The following ARFGEF3 variants were observed in gnomAD, a reference collection of about 807,000 sequenced individuals.
ARFGEF3 encodes the protein ARFGEF family member 3.
Under a neutral mutation model 221.7 loss-of-function variants are expected in ARFGEF3, and 96 were observed. The observed-to-expected ratio is 0.43, with a 90% CI of 0.37 to 0.51. The LOEUF is 0.51. Ranked by LOEUF, ARFGEF3 falls within the 20% of genes least tolerant of loss-of-function variation. The probability of loss-of-function intolerance (pLI) is 0.00; values close to 1 mark genes in which losing one functional copy is unlikely to be tolerated. For synonymous variants in ARFGEF3, 1,145 were observed against 1,126.8 expected (o/e 1.02, Z -0.32); for missense variants, 2,410 against 2,789.9 (o/e 0.86, Z 3.07).
chr6:138,249,655 T>C (rs1465996768), intron 8 of ARFGEF3, among the ~76,000 whole-genome samples: 1 of 152,210 alleles, frequency 6.6e-6, no homozygotes, highest in Non-Finnish European at 1.5e-5. Context: ...AAAGAATTCA[T>C]GTGCATATGT....
At chr6:138,325,888 T>C (rs532983089) in intron 31 of ARFGEF3, among the ~76,000 whole-genome samples, 1 of 152,340 alleles carries the variant, frequency 6.6e-6, no homozygotes, top group East Asian at 1.9e-4. Flanking sequence ...TGAGACTTGC[T>C]CTATCAATCA....
At chr6:138,167,649 A>G (rs897314151) in intron 1 of ARFGEF3, among the ~76,000 whole-genome samples, 2 of 152,200 alleles carry the variant, frequency 1.3e-5, no homozygotes, top group African/African-American at 2.4e-5. Context: ...TCCTAAATAT[A>G]TGTCAAGCCT....
At chr6:138,260,797 T>C (rs1286868214) in intron 10 of ARFGEF3, among the ~76,000 whole-genome samples, 1 of 151,624 alleles carries the variant, frequency 6.6e-6, no homozygotes, top group Non-Finnish European at 1.5e-5. Context: ...CAGGTACAAA[T>C]AAACAGAAAT....
intron 10 of ARFGEF3, among the ~76,000 whole-genome samples, 164 bp downstream of exon 10, chr6:138,255,933 C>T (rs1243604628): frequency 6.6e-6 from 1 of 152,112 alleles, no homozygotes; most frequent in Non-Finnish European, 1.5e-5. Flanking sequence ...TGCGTGTGTA[C>T]ATGTATTGCG....
rs557144854 is a variant in ARFGEF3 at position 138,210,932 on chromosome 6, G to A, written c.351+891G>A. Among the ~76,000 whole-genome samples, 4 of 152,294 alleles carry A rather than the reference G, an allele frequency of 2.6e-5. No homozygotes were observed. The South Asian group carries it at 8.3e-4, about 32-fold the overall frequency. On this transcript the variant is annotated intron_variant, in intron 4 of 33. Coordinates refer to ENST00000251691, the MANE Select transcript of ARFGEF3 (RefSeq NM_020340.5). The stretch of plus-strand genomic sequence containing the variant: ...ACTGCAGTCATGACATTCTCTTGAT[G>A]TCCTGGGCCTCACCCTAACCCTGTT...
At chr6:138,228,933 G>T (rs1778141958) in intron 4 of ARFGEF3, among the ~76,000 whole-genome samples, 1 of 152,226 alleles carries the variant, frequency 6.6e-6, no homozygotes, top group Non-Finnish European at 1.5e-5. Flanking sequence ...AAGTGAAGAG[G>T]GAGAGAGTAG....
At chr6:138,312,988 G>C (rs1038895119) in intron 25 of ARFGEF3, among the ~76,000 whole-genome samples, 2 of 152,148 alleles carry the variant, frequency 1.3e-5, no homozygotes, top group African/African-American at 4.8e-5. Flanking sequence ...AGGATGACAG[G>C]CATAACCCAC....
At chr6:138,320,703 A>G (rs547241097) in intron 28 of ARFGEF3, among the ~76,000 whole-genome samples, 1 of 152,346 alleles carries the variant, frequency 6.6e-6, no homozygotes, top group South Asian at 2.1e-4. Context: ...CCCTGCCAAA[A>G]AAGAACACCA....
At chr6:138,247,058 T>C (rs1249764083) in intron 8 of ARFGEF3, among the ~76,000 whole-genome samples, 1 of 152,026 alleles carries the variant, frequency 6.6e-6, no homozygotes, top group African/African-American at 2.4e-5. Flanking sequence ...CAAAAAGAAA[T>C]AGCACTTAAC....
intron 1 of ARFGEF3, among the ~76,000 whole-genome samples, chr6:138,168,904 C>T (rs918130729): frequency 5.3e-5 from 8 of 152,128 alleles, no homozygotes; most frequent in African/African-American, 1.9e-4. Flanking sequence ...ATTCATGGAT[C>T]GTGTCTGTTC....
chr6:138,227,465 C>A (rs956229940), intron 4 of ARFGEF3, among the ~76,000 whole-genome samples: 2 of 152,148 alleles, frequency 1.3e-5, no homozygotes, highest in African/African-American at 4.8e-5. Context: ...GAAAGTTGAT[C>A]GTCAGTCCTA....
rs1358242375 is a variant in ARFGEF3 at position 138,278,477 on chromosome 6, G to A, written c.2155G>A (p.Gly719Arg). ...SGMMHSPGFD[G>R]NSSLSFQMLM... is the part of the protein sequence containing the mutation. ...CATGATGCACTCTCCTGGCTTTGAC[G>A]GGAATAGCAGCCTCAGCTTCCAGAT... Residue 719 changes from glycine to arginine, a missense_variant, in exon 13 of 34, where the codon GGG becomes AGG. By Grantham distance (125) the Gly-to-Arg change is moderately radical. Around this residue, in one of 5 missense-constraint regions of ARFGEF3, gnomAD observed 594 missense variants for 734.3 expected, o/e 0.81. Transcript: ENST00000251691. 7 of 1,613,798 alleles carry A rather than the reference G, an allele frequency of 4.3e-6. No individual in the cohort carries two copies. The highest frequency in any genetic ancestry group is 2.2e-5 in the East Asian group (1 of 44,892).
intron 18 of ARFGEF3, among the ~76,000 whole-genome samples, chr6:138,290,523 T>G (rs1185236207): frequency 2.6e-5 from 4 of 152,084 alleles, no homozygotes; most frequent in Non-Finnish European, 4.4e-5. Context: ...GAAAAGAAAC[T>G]CCCAGTGAGT....
At chr6:138,295,589 C>A (rs1270774345) in intron 20 of ARFGEF3, among the ~76,000 whole-genome samples, 1 of 149,456 alleles carries the variant, frequency 6.7e-6, no homozygotes, top group African/African-American at 2.5e-5. Flanking sequence ...GAGATTGCAC[C>A]ACTGCACTCC....
chr6:138,317,112 A>G lies in ARFGEF3; in HGVS notation c.4346-139A>G. The G allele has an allele frequency of 6.3e-6, 5 of 790,756 alleles. No individual in the cohort carries two copies. In the South Asian group the frequency reaches 1.0e-4, roughly 16 times the overall value. 49.0% of individuals were successfully genotyped at this position (790,756 alleles called of 1,614,324 possible). On this transcript the variant is annotated intron_variant, in intron 26 of 33. Coordinates refer to ENST00000251691, the MANE Select transcript of ARFGEF3 (RefSeq NM_020340.5). The stretch of plus-strand genomic sequence containing the variant: ...TCATCATCTGTTCATGTCTATGGCC[A>G]CTGAAGGCTAACAACACTGGGTGAT...
chr6:138,193,496 T>G (rs1203500473), intron 2 of ARFGEF3, among the ~76,000 whole-genome samples: 1 of 152,230 alleles, frequency 6.6e-6, no homozygotes. Flanking sequence ...GTGTCTAACA[T>G]TTCACACAGC....
chr6:138,192,504 A>G (rs1023535655), intron 2 of ARFGEF3, among the ~76,000 whole-genome samples: 42 of 90,892 alleles, frequency 4.6e-4, no homozygotes, highest in African/African-American at 3.8e-3. Context: ...AAACTAACCA[A>G]ACAAACTCAG....
In ARFGEF3 at chr6:138,291,721, T is replaced by C. The variant is rs1440305135; in HGVS notation, c.3048-12T>C. On this transcript the variant is annotated splice_polypyrimidine_tract_variant and intron_variant, in intron 18 of 33. Transcript: ENST00000251691. The surrounding 1 kb of genome is among the most constrained non-coding windows in gnomAD (Gnocchi z 4.5). ...GCAGCGCCTAACAGCTGCTTGTCTGTGCTCTTTCTAGGGTGTGTGAATACG... is the reference window on the plus strand; with the variant it reads ...GCAGCGCCTAACAGCTGCTTGTCTGCGCTCTTTCTAGGGTGTGTGAATACG... 2.2e-6 allele frequency: 3 copies of C among 1,335,776 alleles called. No individual in the cohort carries two copies. The highest frequency in any genetic ancestry group is 2.9e-6 in the Non-Finnish European group (3 of 1,035,888). 82.7% of individuals were successfully genotyped at this position (1,335,776 alleles called of 1,614,324 possible). A position where few individuals can be genotyped will look rare whatever the true frequency, so the allele number is the denominator to read the frequency against.
At chr6:138,220,108 T>C (rs1777954658) in intron 4 of ARFGEF3, among the ~76,000 whole-genome samples, 1 of 152,188 alleles carries the variant, frequency 6.6e-6, no homozygotes, top group African/African-American at 2.4e-5. Flanking sequence ...AGCCTTGACC[T>C]CCAGGTCTCA....
Sources: allele counts gnomAD v4.1 joint callset (sites outside exome capture counted in the v4.1 genomes callset), GRCh38; gene constraint gnomAD v4.1.1; regional missense constraint gnomAD v4.1.1; non-coding constraint Gnocchi (gnomAD v3.1); transcripts MANE v1.5; gene names NCBI Gene and HGNC (gene_info 2026-07-23, HGNC 2026-07-21).